RCOR1: variants seen among roughly 807,000 people sequenced by gnomAD.
RCOR1 encodes the protein REST corepressor.
A neutral mutation model predicts 64.0 loss-of-function variants in RCOR1; 12 were observed. That is an observed-to-expected ratio of 0.19 (90% CI 0.12 to 0.30). The LOEUF (loss-of-function observed/expected upper bound fraction) is 0.30, where lower values mean the gene tolerates loss of function less well. Among genes scored for constraint, RCOR1 ranks in the 10% least tolerant of loss-of-function variants. The probability of loss-of-function intolerance (pLI) is 1.00; values close to 1 mark genes in which losing one functional copy is unlikely to be tolerated. For synonymous variants in RCOR1, 279 were observed against 227.2 expected, an observed-to-expected ratio of 1.23 and a Z score of -2.05; for missense variants, 502 against 621.2, an observed-to-expected ratio of 0.81 and a Z score of 2.04.
chr14:102,607,486 C>T (rs1893536486), intron 2 of RCOR1, among the ~76,000 whole-genome samples: 2 of 152,000 alleles, frequency 1.3e-5, no homozygotes, highest in African/African-American at 4.8e-5. Context: ...GTGACTCATG[C>T]GTGTAATCCC....
At chr14:102,636,880 T>TG (rs150111847) in intron 2 of RCOR1, among the ~76,000 whole-genome samples, 10,659 of 151,838 alleles carry the variant, frequency 0.07, 579 homozygotes, top group African/African-American at 0.15. Flanking sequence ...CTGAGGCATG[T>TG]GGATCACTTG....
chr14:102,628,705 C>T (rs559409228), intron 2 of RCOR1, among the ~76,000 whole-genome samples: 74 of 152,262 alleles, frequency 4.9e-4, no homozygotes, highest in African/African-American at 1.7e-3. Flanking sequence ...AGGCACCCAC[C>T]GCCATGCCCG....
chr14:102,605,526 G>A (rs1033482453), intron 2 of RCOR1, among the ~76,000 whole-genome samples: 2 of 152,164 alleles, frequency 1.3e-5, no homozygotes, highest in South Asian at 2.1e-4. Context: ...GTGCAACAGC[G>A]TGTAGCATTA....
intron 3 of RCOR1, among the ~76,000 whole-genome samples, chr14:102,691,709 T>C (rs977732502): frequency 6.6e-6 from 1 of 152,156 alleles, no homozygotes; most frequent in African/African-American, 2.4e-5. Context: ...ATGAGTTGAA[T>C]TTACAAACTA....
chr14:102,705,760 C>T (rs1033643913), intron 4 of RCOR1, among the ~76,000 whole-genome samples: 6 of 152,160 alleles, frequency 3.9e-5, no homozygotes, highest in South Asian at 2.1e-4. Context: ...CACCCAGCCT[C>T]AGAAAATAGC....
At chr14:102,629,278 C>T (rs574858079) in intron 2 of RCOR1, among the ~76,000 whole-genome samples, 103 of 152,144 alleles carry the variant, frequency 6.8e-4, no homozygotes, top group Non-Finnish European at 1.3e-3. Context: ...GCTGCATCCC[C>T]GGCACTTCCT....
intron 7 of RCOR1, 25 bp downstream of exon 7, chr14:102,711,038 T>G (rs1283282005): frequency 6.9e-7 from 1 of 1,459,296 alleles, no homozygotes; most frequent in Admixed American, 2.1e-5. Flanking sequence ...TAGTATTGTT[T>G]AGGCGAATAA....
At position 102,707,335 on chromosome 14, in the gene RCOR1, G is replaced by A. The variant is rs1895877390; in HGVS notation, c.499-16G>A. The A allele has an allele frequency of 6.6e-7, 1 of 1,526,140 alleles. No individual in the cohort carries two copies. The highest frequency in any genetic ancestry group is 8.8e-7 in the Non-Finnish European group (1 of 1,138,366). 94.5% of individuals were successfully genotyped at this position (1,526,140 alleles called of 1,614,324 possible). On this transcript the variant is annotated splice_polypyrimidine_tract_variant and intron_variant, in intron 4 of 11. Coordinates refer to ENST00000262241, the MANE Select transcript of RCOR1 (RefSeq NM_015156.4). Reference sequence around the variant, plus strand: ...TTTTTGTTTGATCTAAAATTTTACTGATATCATTTTTGTAGGCTCTTGGGA... The same window carrying A: ...TTTTTGTTTGATCTAAAATTTTACTAATATCATTTTTGTAGGCTCTTGGGA...
At chr14:102,622,732 C>G (rs1893899708) in intron 2 of RCOR1, among the ~76,000 whole-genome samples, 1 of 152,186 alleles carries the variant, frequency 6.6e-6, no homozygotes. Flanking sequence ...TTGCCTGCCC[C>G]TCCATCCCTT....
At chr14:102,705,219 G>A (rs1895827235) in intron 4 of RCOR1, among the ~76,000 whole-genome samples, 1 of 152,106 alleles carries the variant, frequency 6.6e-6, no homozygotes, top group African/African-American at 2.4e-5. Flanking sequence ...GCATCCTGCT[G>A]TGGGTTTTCG....
intron 2 of RCOR1, among the ~76,000 whole-genome samples, chr14:102,644,627 A>C (rs1401436892): frequency 6.6e-6 from 1 of 151,610 alleles, no homozygotes; most frequent in Non-Finnish European, 1.5e-5. Context: ...GGCCACCCAA[A>C]GCTCCTCAGG....
At chr14:102,709,912 G>C (rs904962832) in intron 6 of RCOR1, among the ~76,000 whole-genome samples, 1 of 152,120 alleles carries the variant, frequency 6.6e-6, no homozygotes, top group African/African-American at 2.4e-5. Flanking sequence ...CTCCCTGGAG[G>C]CTTTTTTTTT....
At chr14:102,696,098 A>G (rs559835622) in intron 3 of RCOR1, among the ~76,000 whole-genome samples, 4 of 152,046 alleles carry the variant, frequency 2.6e-5, no homozygotes, top group African/African-American at 4.8e-5. Context: ...ATTGATCATT[A>G]TTATCATCTG....
chr14:102,690,041 C>A (rs1895500166), intron 3 of RCOR1, among the ~76,000 whole-genome samples: 1 of 149,338 alleles, frequency 6.7e-6, no homozygotes, highest in Admixed American at 6.6e-5. Context: ...CCGCGCCCGG[C>A]CTGATTTTTT....
At chr14:102,684,178 C>T (rs866259111) in intron 3 of RCOR1, among the ~76,000 whole-genome samples, 5 of 152,308 alleles carry the variant, frequency 3.3e-5, no homozygotes, top group East Asian at 1.9e-4. Flanking sequence ...GAACCTCAAG[C>T]GGCTGCATAG....
intron 2 of RCOR1, among the ~76,000 whole-genome samples, chr14:102,674,047 G>A (rs568909778): frequency 2.6e-5 from 4 of 152,190 alleles, no homozygotes; most frequent in Non-Finnish European, 5.9e-5. Context: ...GTGTATCTAT[G>A]TGTACATATA....
At chr14:102,653,283 A>G (rs1894630163) in intron 2 of RCOR1, among the ~76,000 whole-genome samples, 1 of 152,008 alleles carries the variant, frequency 6.6e-6, no homozygotes, top group African/African-American at 2.4e-5. Flanking sequence ...TAGTGGTGCA[A>G]TCTTGCCTCA....
chr14:102,681,828 A>G (rs1319703977), intron 2 of RCOR1, 67 bp from the exon 3 acceptor site: 19 of 1,128,124 alleles, frequency 1.7e-5, no homozygotes, highest in Non-Finnish European at 2.2e-5. Context: ...ATTAAAAGGT[A>G]TTGTTACTTA....
intron 2 of RCOR1, among the ~76,000 whole-genome samples, chr14:102,647,028 A>G (rs1346873837): frequency 6.6e-6 from 1 of 152,254 alleles, no homozygotes; most frequent in African/African-American, 2.4e-5. Context: ...GAGAGAAAAG[A>G]TAATTGAGAG....
Sources: allele counts gnomAD v4.1 joint callset (sites outside exome capture counted in the v4.1 genomes callset), GRCh38; gene constraint gnomAD v4.1.1; transcripts MANE v1.5; gene names NCBI Gene and HGNC (gene_info 2026-07-23, HGNC 2026-07-21).